The following MOK variants were observed in gnomAD, a reference collection of about 807,000 sequenced individuals.
MOK encodes MAPK/MAK/MRK overlapping kinase.
MOK carries 59 observed loss-of-function variants against 54.2 expected under a neutral mutation model. That is an observed-to-expected ratio of 1.09 (90% CI 0.88 to 1.35). The LOEUF is 1.35. Among genes scored for constraint, MOK ranks in the 40% most tolerant of loss-of-function variants. The pLI is 0.00. For missense variants in MOK, 517 were observed against 526.2 expected (o/e 0.98, Z 0.17); for synonymous variants, 210 against 202.7 (o/e 1.04, Z -0.31).
chr14:102,240,589 CA>C lies in MOK; in HGVS notation c.591-6801del. 1 of 151,986 alleles carries C rather than the reference CA, an allele frequency of 6.6e-6. No homozygotes were observed. Among genetic ancestry groups the C allele is most frequent in the Non-Finnish European group, 1.5e-5 (1 of 68,200 alleles). The allele number at this position is 151,986 out of a possible 1,614,324, so 9.4% of individuals were successfully genotyped here. A position where few individuals can be genotyped will look rare whatever the true frequency, so the allele number is the denominator to read the frequency against. ...AGGAGACACATTTTATCTGTGGACT[CA>C]AAACTCCAGCACCAGTCACAGACTC... On this transcript the variant is annotated intron_variant, in intron 7 of 11. Coordinates refer to ENST00000361847, the MANE Select transcript of MOK (RefSeq NM_014226.3). This position sits in a 1 kb window ranked among gnomAD's most constrained non-coding sequence, Gnocchi z 5.4.
intron 6 of MOK, 164 bp downstream of exon 6, chr14:102,251,592 A>G: frequency 1.4e-6 from 1 of 695,224 alleles, no homozygotes; most frequent in Middle Eastern, 2.3e-4. Flanking sequence ...CATTTATTAA[A>G]TAAACCATTT....
chr14:102,227,018 A>G (rs932842371), downstream of MOK, among the ~76,000 whole-genome samples: 1 of 152,008 alleles, frequency 6.6e-6, no homozygotes, highest in Non-Finnish European at 1.5e-5. Context: ...TGCTTTAGGG[A>G]CTGTTTCTTG....
chr14:102,247,780 G>C (rs768898938), intron 7 of MOK, among the ~76,000 whole-genome samples: 7 of 152,200 alleles, frequency 4.6e-5, no homozygotes, highest in Non-Finnish European at 1.0e-4. Flanking sequence ...ATCTGGCTTA[G>C]TACGAGATTT....
At chr14:102,253,125 T>G (rs1451995468) in intron 4 of MOK, among the ~76,000 whole-genome samples, 1 of 152,170 alleles carries the variant, frequency 6.6e-6, no homozygotes, top group Non-Finnish European at 1.5e-5. Flanking sequence ...AATTAAAAAA[T>G]TAATAAACAA....
chr14:102,215,062 C>G, the MOK span: 1 of 919,530 alleles, frequency 1.1e-6, no homozygotes, highest in Non-Finnish European at 1.3e-6. Context: ...CCCAGTGAAC[C>G]AAAACCAGAA....
At position 102,304,977 on chromosome 14, in the gene MOK, C is replaced by T. The variant is rs375887504; in HGVS notation, c.-9G>A. 1.2e-6 allele frequency: 2 copies of T among 1,609,380 alleles called. No homozygotes were observed. The highest frequency in any genetic ancestry group is 2.2e-5 in the East Asian group (1 of 44,764). ...CCCCACTCACTCTTCATCTTGGATG[C>T]GGAAGCCGGTGACAACCCCTTGCCG... On this transcript the variant is annotated 5_prime_UTR_variant, in exon 1 of 12. Transcript: ENST00000361847.
chr14:102,253,768 TTTAAG>T (rs980121155), intron 4 of MOK, among the ~76,000 whole-genome samples: 3 of 152,230 alleles, frequency 2.0e-5, no homozygotes, highest in African/African-American at 7.2e-5. Context: ...AAGTGTGTGT[TTTAAG>T]TTATTAAGTT....
intron 4 of MOK, among the ~76,000 whole-genome samples, chr14:102,257,772 A>T (rs989078575): frequency 6.6e-6 from 1 of 152,094 alleles, no homozygotes; most frequent in African/African-American, 2.4e-5. Flanking sequence ...AGGTCAAGAG[A>T]TCGAGACCAT....
downstream of MOK, among the ~76,000 whole-genome samples, chr14:102,221,795 T>C (rs2063928210): frequency 6.6e-6 from 1 of 152,156 alleles, no homozygotes; most frequent in African/African-American, 2.4e-5. This position sits in a 1 kb window ranked among gnomAD's most constrained non-coding sequence, Gnocchi z 4.8. Flanking sequence ...TGTGAGAAGG[T>C]AGCAATGTCA....
chr14:102,293,701 C>CAAAAAAA (rs10598736), intron 1 of MOK, among the ~76,000 whole-genome samples: 109 of 54,484 alleles, frequency 2.0e-3, no homozygotes, highest in East Asian at 3.9e-3. Flanking sequence ...AACTCCATCA[C>CAAAAAAA]AAAAAAAAAA....
At chr14:102,253,732 T>C (rs1219189337) in intron 4 of MOK, among the ~76,000 whole-genome samples, 1 of 152,194 alleles carries the variant, frequency 6.6e-6, no homozygotes, top group Non-Finnish European at 1.5e-5. Context: ...CCAGAAGATG[T>C]CAATTTTACT....
At position 102,249,436 on chromosome 14, in the gene MOK, G is replaced by A. The variant is rs2066355545; in HGVS notation, c.590+1376C>T. Among the ~76,000 whole-genome samples, 2 of 152,168 alleles carry A rather than the reference G, an allele frequency of 1.3e-5. No homozygotes were observed. The highest frequency in any genetic ancestry group is 2.1e-4 in the South Asian group (1 of 4,832). ...ACAAGATTTTAAACCTGTGCTGGGC[G>A]CGGTGGCTCATGCCTGTAATCCCAG... On this transcript the variant is annotated intron_variant, in intron 7 of 11. Coordinates refer to ENST00000361847, the MANE Select transcript of MOK (RefSeq NM_014226.3). The surrounding 1 kb of genome is among the most constrained non-coding windows in gnomAD (Gnocchi z 5.3).
In MOK at chr14:102,229,128, C is replaced by T. The variant is rs1283710053; in HGVS notation, c.*161G>A. ...ACATCCTAGGCAGCTGCGCGGGCCGCGGGTGCGGCAGGGCGCAGGGCAGCA... is the reference window on the plus strand; with the variant it reads ...ACATCCTAGGCAGCTGCGCGGGCCGTGGGTGCGGCAGGGCGCAGGGCAGCA... On this transcript the variant is annotated 3_prime_UTR_variant, in exon 12 of 12. Transcript: ENST00000361847. The T allele has an allele frequency of 2.9e-6, 2 of 689,528 alleles. No homozygotes were observed. Among genetic ancestry groups the T allele is most frequent in the Non-Finnish European group, 4.7e-6 (2 of 425,030 alleles). The allele number at this position is 689,528 out of a possible 1,614,324, so 42.7% of individuals were successfully genotyped here. A position where few individuals can be genotyped will look rare whatever the true frequency, so the allele number is the denominator to read the frequency against.
intron 1 of MOK, among the ~76,000 whole-genome samples, chr14:102,284,669 G>A (rs2069828412): frequency 6.6e-6 from 1 of 152,152 alleles, no homozygotes; most frequent in African/African-American, 2.4e-5. Flanking sequence ...GCTCATCTTT[G>A]CGGCAGAGAT....
downstream of MOK, chr14:102,228,795 G>T (rs1477507232): frequency 6.5e-6 from 1 of 154,530 alleles, no homozygotes; most frequent in East Asian, 1.9e-4. Flanking sequence ...AGGAATGGCT[G>T]GTAAGGACAC....
At chr14:102,270,080 C>T (rs971472842) in intron 2 of MOK, among the ~76,000 whole-genome samples, 2 of 152,160 alleles carry the variant, frequency 1.3e-5, no homozygotes, top group Non-Finnish European at 2.9e-5. Flanking sequence ...ACAACATGTT[C>T]TCAGACCACA....
At chr14:102,287,420 A>G (rs1428406887) in intron 1 of MOK, among the ~76,000 whole-genome samples, 1 of 152,250 alleles carries the variant, frequency 6.6e-6, no homozygotes, top group East Asian at 1.9e-4. Context: ...CAGCCTGACC[A>G]AGATGATGAA....
intron 2 of MOK, 77 bp downstream of exon 2, chr14:102,283,401 C>T (rs182581416): frequency 2.4e-6 from 2 of 846,022 alleles, no homozygotes; most frequent in Admixed American, 2.5e-5. Context: ...TAATAAAGCT[C>T]CCCCCTAATA....
intron 1 of MOK, among the ~76,000 whole-genome samples, chr14:102,294,305 G>GCAT (rs1219830409): frequency 2.0e-4 from 31 of 152,192 alleles, no homozygotes; most frequent in African/African-American, 6.8e-4. Context: ...AATTAGCCAG[G>GCAT]CGTGGTGGTG....
Sources: gnomAD v4.1 joint callset for allele counts (sites outside exome capture counted in the v4.1 genomes callset) on GRCh38, gnomAD v4.1.1 for gene constraint, Gnocchi (gnomAD v3.1) non-coding constraint, MANE v1.5 for transcripts, NCBI Gene and HGNC (gene_info 2026-07-23, HGNC 2026-07-21) for gene names.